Variants in SNRPN observed in about 807,000 individuals in gnomAD.
SNRPN encodes small nuclear ribonucleoprotein polypeptide N.
Under a neutral mutation model 25.2 loss-of-function variants are expected in SNRPN, and 7 were observed. The observed-to-expected ratio is 0.28, with a 90% confidence interval of 0.16 to 0.52. The LOEUF is 0.52. SNRPN is among the 20% of genes least tolerant of loss of function. The pLI is 0.96. For synonymous variants in SNRPN, 124 were observed against 110.6 expected (o/e 1.12, Z -0.76); for missense variants, 196 against 322.5 (o/e 0.61, Z 3.00).
intron 3 of SNRPN, among the ~76,000 whole-genome samples, chr15:24,926,619 G>GTT (rs34428935): frequency 0.034 from 5,068 of 148,220 alleles, 94 homozygotes; most frequent in African/African-American, 0.041. Context: ...ATGGATTCTG[G>GTT]TTTTTTTTTT....
chr15:24,968,127 G>A lies in SNRPN; in HGVS notation c.-144+45G>A. 2.6e-6 allele frequency: 3 copies of A among 1,157,856 alleles called. No homozygotes were observed. The South Asian group carries it at 3.8e-5, about 14-fold the overall frequency. The allele number at this position is 1,157,856 out of a possible 1,614,324, so 71.7% of individuals were successfully genotyped here. A position where few individuals can be genotyped will look rare whatever the true frequency, so the allele number is the denominator to read the frequency against. On this transcript the variant is annotated intron_variant, in intron 3 of 9. Transcript: ENST00000390687. ...TGATCAAGAATAAAGAATCATTAAAGAATGGGGTGTTGGGGGTTCTCTTAA... is the reference window on the plus strand; with the variant it reads ...TGATCAAGAATAAAGAATCATTAAAAAATGGGGTGTTGGGGGTTCTCTTAA...
intron 1 of SNRPN, among the ~76,000 whole-genome samples, chr15:24,874,562 A>T (rs1315093617): frequency 6.6e-6 from 1 of 152,190 alleles, no homozygotes; most frequent in Non-Finnish European, 1.5e-5. Flanking sequence ...GTTCAAGTAC[A>T]GATGCATCTT....
intron 2 of SNRPN, chr15:24,849,704 C>G (rs1277506899): frequency 1.3e-5 from 2 of 152,194 alleles, no homozygotes; most frequent in Admixed American, 1.3e-4. Flanking sequence ...TGGGGCCTCT[C>G]AGAACAGGTC....
intron 2 of SNRPN, among the ~76,000 whole-genome samples, chr15:24,904,497 A>G (rs928948271): frequency 4.5e-4 from 68 of 152,218 alleles, no homozygotes; most frequent in Admixed American, 1.2e-3. Context: ...TCTACTAAAA[A>G]TACAAAAATT....
At chr15:24,897,019 G>A (rs1168129654) in intron 2 of SNRPN, among the ~76,000 whole-genome samples, 2 of 151,970 alleles carry the variant, frequency 1.3e-5, no homozygotes, top group Admixed American at 1.3e-4. Flanking sequence ...CGGGCACAGT[G>A]GCATGCACCT....
intron 2 of SNRPN, among the ~76,000 whole-genome samples, chr15:24,832,522 GA>G (rs1431321503): frequency 6.6e-6 from 1 of 151,848 alleles, no homozygotes; most frequent in Admixed American, 6.5e-5. Context: ...GGGGAGGATT[GA>G]AAAAAGGGCA....
At chr15:24,949,201 T>C (rs146563606) in intron 3 of SNRPN, among the ~76,000 whole-genome samples, 2,692 of 151,786 alleles carry the variant, frequency 0.018, 73 homozygotes, top group African/African-American at 0.062. Context: ...TTTGTATTTT[T>C]AGTAGAGACA....
At chr15:24,951,350 T>A (rs1236021992), upstream of SNRPN, among the ~76,000 whole-genome samples, 1 of 152,204 alleles carries the variant, frequency 6.6e-6, no homozygotes, top group Non-Finnish European at 1.5e-5. Flanking sequence ...TTTTTAATTC[T>A]AGCCCCAAGT....
intron 1 of SNRPN, among the ~76,000 whole-genome samples, chr15:24,956,582 G>C (rs2062945789): frequency 6.6e-6 from 1 of 152,216 alleles, no homozygotes. Flanking sequence ...GCTTGCAGTG[G>C]GGCGAGACGT....
chr15:24,845,296 T>A (rs184287718), intron 2 of SNRPN, among the ~76,000 whole-genome samples: 1 of 152,320 alleles, frequency 6.6e-6, no homozygotes, highest in African/African-American at 2.4e-5. Context: ...TAATACCACA[T>A]TATATTAAAC....
intron 2 of SNRPN, among the ~76,000 whole-genome samples, chr15:24,842,456 C>T (rs1482275341): frequency 1.3e-5 from 2 of 152,118 alleles, no homozygotes; most frequent in Non-Finnish European, 2.9e-5. Context: ...TGAGCTCATC[C>T]CCAAAGGCTC....
chr15:24,952,390 T>TG (rs570100436), upstream of SNRPN, among the ~76,000 whole-genome samples: 129 of 152,342 alleles, frequency 8.5e-4, no homozygotes, highest in African/African-American at 2.9e-3. Flanking sequence ...ATTGAATTGT[T>TG]GGGAGACCTA....
chr15:24,879,580 G>A (rs1188410678), intron 1 of SNRPN, among the ~76,000 whole-genome samples: 1 of 152,192 alleles, frequency 6.6e-6, no homozygotes, highest in African/African-American at 2.4e-5. Context: ...GCAATTAGTG[G>A]CGAAGTGTGA....
chr15:24,878,552 G>C (rs12906774), intron 1 of SNRPN, among the ~76,000 whole-genome samples: 45,028 of 152,116 alleles, frequency 0.3, 7,037 homozygotes, highest in East Asian at 0.52. Flanking sequence ...GTTAACCTGC[G>C]TTTTACTCGT....
At chr15:24,870,088 G>C (rs565842894) in intron 1 of SNRPN, among the ~76,000 whole-genome samples, 1 of 152,206 alleles carries the variant, frequency 6.6e-6, no homozygotes, top group South Asian at 2.1e-4. Context: ...ACATTATTTT[G>C]GTTAGATTTT....
intron 3 of SNRPN, among the ~76,000 whole-genome samples, chr15:24,944,807 G>A (rs2061775307): frequency 6.6e-6 from 1 of 152,140 alleles, no homozygotes; most frequent in African/African-American, 2.4e-5. Context: ...ATGGAGGCTG[G>A]CTAGTCCAAA....
Position 24,978,356 on chromosome 15 carries a change from C to T in SNRPN, c.685+38C>T, listed in dbSNP as rs201250281. ...ATAGGGGTTTGATGGTTCAGCCAGG[C>T]CCCTGAATATGTGTATCCTCTTTTT... On this transcript the variant is annotated intron_variant, in intron 9 of 9. Transcript: ENST00000390687. The T allele has an allele frequency of 6.2e-6, 10 of 1,613,722 alleles. No individual in the cohort carries two copies. The Admixed American group carries it at 6.7e-5, about 11-fold the overall frequency.
At chr15:24,978,145 T>G in intron 8 of SNRPN, 48 bp from the exon 9 acceptor site, 4 of 1,591,104 alleles carry the variant, frequency 2.5e-6, no homozygotes, top group African/African-American at 1.3e-5. Context: ...ATTCTAACTT[T>G]TCTAAGCCAT....
intron 1 of SNRPN, among the ~76,000 whole-genome samples, chr15:24,878,236 G>C (rs938420291): frequency 6.6e-6 from 1 of 152,210 alleles, no homozygotes; most frequent in Non-Finnish European, 1.5e-5. Flanking sequence ...TTCCGTGGCG[G>C]GTCTAGGGCT....
Sources: gnomAD v4.1 joint callset for allele counts (sites outside exome capture counted in the v4.1 genomes callset) on GRCh38, gnomAD v4.1.1 for gene constraint, MANE v1.5 for transcripts, NCBI Gene and HGNC (gene_info 2026-07-23, HGNC 2026-07-21) for gene names.